The following GRID1 variants were observed in gnomAD, a reference collection of about 807,000 sequenced individuals.
The protein encoded by GRID1 is glutamate ionotropic receptor delta type subunit 1, also known as glutamate receptor ionotropic, delta-1.
A neutral mutation model predicts 98.0 loss-of-function variants in GRID1; 28 were observed. The ratio of observed to expected loss-of-function variants is 0.29; its 90% CI spans 0.21 to 0.39. The LOEUF (loss-of-function observed/expected upper bound fraction) is 0.39, where lower values mean the gene tolerates loss of function less well. Ranked by LOEUF, GRID1 falls within the 10% of genes least tolerant of loss-of-function variation. The probability of loss-of-function intolerance (pLI) is 1.00; values close to 1 mark genes in which losing one functional copy is unlikely to be tolerated. For missense variants in GRID1, 1,111 were observed against 1,340.5 expected (o/e 0.83, Z 2.67); for synonymous variants, 553 against 538.5 (o/e 1.03, Z -0.37).
At chr10:85,633,924 C>T (rs1843003816) in intron 13 of GRID1, among the ~76,000 whole-genome samples, 1 of 152,070 alleles carries the variant, frequency 6.6e-6, no homozygotes, top group Non-Finnish European at 1.5e-5. Context: ...GTAATCCCAG[C>T]ACTTTGGGAG....
intron 3 of GRID1, among the ~76,000 whole-genome samples, chr10:86,147,002 G>T (rs1439108513): frequency 1.3e-5 from 2 of 152,218 alleles, no homozygotes; most frequent in Non-Finnish European, 2.9e-5. Context: ...TTGGAAGCAG[G>T]CCTCCCCCAT....
At chr10:86,084,480 T>C (rs1359518190) in intron 4 of GRID1, among the ~76,000 whole-genome samples, 1 of 152,122 alleles carries the variant, frequency 6.6e-6, no homozygotes, top group East Asian at 1.9e-4. Context: ...GTACGGCAAT[T>C]CCTCAAAAAG....
At chr10:86,094,202 T>A (rs1282728617) in intron 4 of GRID1, among the ~76,000 whole-genome samples, 1 of 152,182 alleles carries the variant, frequency 6.6e-6, no homozygotes, top group Non-Finnish European at 1.5e-5. Context: ...TACCTTAATG[T>A]AATAAAAGCC....
At chr10:85,662,286 G>A (rs1488402650) in intron 12 of GRID1, among the ~76,000 whole-genome samples, 1 of 152,194 alleles carries the variant, frequency 6.6e-6, no homozygotes, top group Non-Finnish European at 1.5e-5. Context: ...ACAGGTCTCT[G>A]TACAGGTATT....
intron 2 of GRID1, among the ~76,000 whole-genome samples, chr10:86,321,485 A>C (rs562113311): frequency 5.3e-5 from 8 of 152,366 alleles, no homozygotes; most frequent in African/African-American, 1.9e-4. Context: ...AAAAAGAAGA[A>C]GAATGAGGTT....
At chr10:86,289,312 G>C (rs577818514) in intron 2 of GRID1, among the ~76,000 whole-genome samples, 1 of 152,288 alleles carries the variant, frequency 6.6e-6, no homozygotes, top group East Asian at 1.9e-4. Flanking sequence ...ACCACTGCTG[G>C]CAAGGTCATC....
At chr10:85,737,645 G>GATATATATATATATATATATAT (rs66947723) in intron 8 of GRID1, among the ~76,000 whole-genome samples, 83 of 95,648 alleles carry the variant, frequency 8.7e-4, no homozygotes, top group South Asian at 1.1e-3. Flanking sequence ...AGTAAAGCCA[G>GATATATATATATATATATATAT]ATATATATAT....
At chr10:86,209,374 G>A (rs1189809991) in intron 2 of GRID1, among the ~76,000 whole-genome samples, 1 of 152,206 alleles carries the variant, frequency 6.6e-6, no homozygotes, top group African/African-American at 2.4e-5. Context: ...TGAATTCACA[G>A]TATTCTCAGG....
chr10:85,828,853 A>G (rs188731535), intron 8 of GRID1, among the ~76,000 whole-genome samples: 1 of 152,328 alleles, frequency 6.6e-6, no homozygotes, highest in East Asian at 1.9e-4. Context: ...GACTAGATGG[A>G]TTAACAGCTG....
chr10:86,271,005 C>T (rs1451519870), intron 2 of GRID1, among the ~76,000 whole-genome samples: 3 of 152,094 alleles, frequency 2.0e-5, no homozygotes, highest in African/African-American at 7.2e-5. Context: ...ACAAAGGCTG[C>T]CAGAGTTCAC....
intron 7 of GRID1, among the ~76,000 whole-genome samples, chr10:85,855,437 G>T (rs941122617): frequency 1.1e-4 from 16 of 152,340 alleles, no homozygotes; most frequent in African/African-American, 3.8e-4. Flanking sequence ...CCCTGGCTCT[G>T]CCCTGGGCTG....
At chr10:85,851,073 C>G (rs558865531) in intron 8 of GRID1, among the ~76,000 whole-genome samples, 2 of 152,256 alleles carry the variant, frequency 1.3e-5, no homozygotes, top group African/African-American at 4.8e-5. Context: ...TTTACATGGA[C>G]ACGTTCATGG....
intron 4 of GRID1, among the ~76,000 whole-genome samples, chr10:86,067,370 G>C (rs546137631): frequency 5.9e-5 from 9 of 152,270 alleles, no homozygotes; most frequent in African/African-American, 2.2e-4. Flanking sequence ...GGCAGGTCAG[G>C]CTTGCCCTGT....
In GRID1 at chr10:86,119,806, T is replaced by C. The variant is rs886627533; in HGVS notation, c.726+19013A>G. The stretch of plus-strand genomic sequence containing the variant: ...TTGTGTTTTTGTTTTTTTGGGTTTT[T>C]TTGAGACAGAGTCTCACTCTGTCGC... On this transcript the variant is annotated intron_variant, in intron 4 of 15. Coordinates refer to ENST00000327946, the MANE Select transcript of GRID1 (RefSeq NM_017551.3). Among the ~76,000 whole-genome samples, 3 of 152,096 alleles carry C rather than the reference T, an allele frequency of 2.0e-5. No individual in the cohort carries two copies. In the South Asian group the frequency reaches 6.2e-4, roughly 32 times the overall value.
At chr10:85,747,603 C>T (rs1842009345) in intron 8 of GRID1, among the ~76,000 whole-genome samples, 1 of 152,118 alleles carries the variant, frequency 6.6e-6, no homozygotes, top group Non-Finnish European at 1.5e-5. Flanking sequence ...CTCATTCACC[C>T]CCAGCACCAG....
chr10:85,691,361 T>C (rs1481458855), intron 12 of GRID1, among the ~76,000 whole-genome samples: 1 of 152,230 alleles, frequency 6.6e-6, no homozygotes, highest in Non-Finnish European at 1.5e-5. Flanking sequence ...ACACACACTT[T>C]TGAGTGAATA....
chr10:86,126,433 C>A (rs954990991), intron 4 of GRID1, among the ~76,000 whole-genome samples: 1 of 151,960 alleles, frequency 6.6e-6, no homozygotes, highest in Non-Finnish European at 1.5e-5. Context: ...CCAGCCTGGG[C>A]GACAGAGTGA....
chr10:86,152,490 C>T (rs2168723), intron 3 of GRID1, among the ~76,000 whole-genome samples: 5,703 of 152,358 alleles, frequency 0.037, 182 homozygotes, highest in Admixed American at 0.11. Flanking sequence ...GCTCTGCGCC[C>T]GAGAGCCCCC....
intron 2 of GRID1, among the ~76,000 whole-genome samples, chr10:86,343,182 C>T (rs1163776760): frequency 2.0e-5 from 3 of 152,208 alleles, no homozygotes; most frequent in African/African-American, 7.2e-5. Context: ...TCACCTTCTT[C>T]TAACAGAACA....
Sources: allele counts gnomAD v4.1 joint callset (sites outside exome capture counted in the v4.1 genomes callset), GRCh38; gene constraint gnomAD v4.1.1; transcripts MANE v1.5; gene names NCBI Gene and HGNC (gene_info 2026-07-23, HGNC 2026-07-21).